GPC6: variants seen among roughly 807,000 people sequenced by gnomAD.
The protein encoded by GPC6 is glypican 6, also known as glypican-6.
Under a neutral mutation model 55.2 loss-of-function variants are expected in GPC6, and 14 were observed. The ratio of observed to expected loss-of-function variants is 0.25; its 90% CI spans 0.17 to 0.40. The LOEUF is 0.40. GPC6 is among the 10% of genes least tolerant of loss of function. The pLI, the probability that GPC6 is intolerant of heterozygous loss-of-function variation, is 1.00. For missense variants in GPC6, 641 were observed against 708.5 expected, an observed-to-expected ratio of 0.90 and a Z score of 1.08; for synonymous variants, 278 against 259.6, an observed-to-expected ratio of 1.07 and a Z score of -0.68.
Position 93,841,766 on chromosome 13 carries a change from T to C in GPC6, c.711+11221T>C, listed in dbSNP as rs528548220. On this transcript the variant is annotated intron_variant, in intron 3 of 8. Transcript: ENST00000377047. Reference sequence around the variant, plus strand: ...ATGCTGCATGTCAGAAATGCCACTGTCATATTTAATACTGAACAGAGAGCA... The same window carrying C: ...ATGCTGCATGTCAGAAATGCCACTGCCATATTTAATACTGAACAGAGAGCA... Among the ~76,000 whole-genome samples the C allele has an allele frequency of 6.6e-5, 10 of 152,348 alleles. No homozygotes were observed. The East Asian group carries it at 1.9e-3, about 29-fold the overall frequency.
chr13:94,337,435 T>C (rs972342139), intron 6 of GPC6, among the ~76,000 whole-genome samples: 10 of 149,994 alleles, frequency 6.7e-5, no homozygotes, highest in African/African-American at 2.5e-4. Flanking sequence ...ATTCATGATA[T>C]ACATTTTTTT....
intron 4 of GPC6, among the ~76,000 whole-genome samples, chr13:94,092,206 A>G (rs1885511779): frequency 6.6e-6 from 1 of 151,856 alleles, no homozygotes; most frequent in Admixed American, 6.6e-5. Flanking sequence ...ATTATTAACT[A>G]TAATCACTGT....
chr13:93,692,061 G>A (rs1882277215), intron 2 of GPC6, among the ~76,000 whole-genome samples: 1 of 151,978 alleles, frequency 6.6e-6, no homozygotes, highest in Admixed American at 6.6e-5. Flanking sequence ...ACTCATAGAG[G>A]TTCAGTAGTA....
intron 1 of GPC6, among the ~76,000 whole-genome samples, chr13:93,361,952 C>T (rs2139178405): frequency 6.6e-6 from 1 of 152,292 alleles, no homozygotes; most frequent in African/African-American, 2.4e-5. Context: ...GGTTGTTGAT[C>T]TTTCACTTGT....
intron 4 of GPC6, among the ~76,000 whole-genome samples, chr13:94,227,572 C>T (rs1366219054): frequency 1.3e-5 from 2 of 152,104 alleles, no homozygotes; most frequent in Non-Finnish European, 2.9e-5. Context: ...CTGTAACAGC[C>T]ATGAGATGCA....
At chr13:93,309,667 T>G (rs1878995954) in intron 1 of GPC6, among the ~76,000 whole-genome samples, 1 of 152,188 alleles carries the variant, frequency 6.6e-6, no homozygotes, top group Non-Finnish European at 1.5e-5. Flanking sequence ...GAAGCTATCA[T>G]TATTTTCATG....
intron 2 of GPC6, among the ~76,000 whole-genome samples, chr13:93,589,770 T>A (rs1566438522): frequency 6.6e-6 from 1 of 152,228 alleles, no homozygotes; most frequent in Non-Finnish European, 1.5e-5. Flanking sequence ...ACTTTAGGAT[T>A]CCTGTTTCTG....
chr13:94,149,703 A>G (rs1477201389), intron 4 of GPC6, among the ~76,000 whole-genome samples: 1 of 152,082 alleles, frequency 6.6e-6, no homozygotes, highest in East Asian at 1.9e-4. Context: ...GCTTAGTCAG[A>G]GGCTAACAAG....
At chr13:94,153,944 C>T (rs1351397439) in intron 4 of GPC6, among the ~76,000 whole-genome samples, 1 of 152,102 alleles carries the variant, frequency 6.6e-6, no homozygotes, top group African/African-American at 2.4e-5. Context: ...TACAAGAAAA[C>T]ACTTTTTATA....
chr13:93,656,696 T>C (rs1030848847), intron 2 of GPC6, among the ~76,000 whole-genome samples: 2 of 152,142 alleles, frequency 1.3e-5, no homozygotes, highest in South Asian at 2.1e-4. Context: ...CCAAATAAGC[T>C]CCTAGTGAGA....
At chr13:93,587,654 G>A (rs760284881) in intron 2 of GPC6, among the ~76,000 whole-genome samples, 2 of 151,978 alleles carry the variant, frequency 1.3e-5, no homozygotes, top group Admixed American at 6.6e-5. Context: ...CAAAAATTCC[G>A]TGGAGTCCTG....
intron 2 of GPC6, among the ~76,000 whole-genome samples, chr13:93,601,692 A>C (rs1419564272): frequency 6.6e-6 from 1 of 152,212 alleles, no homozygotes; most frequent in Non-Finnish European, 1.5e-5. Flanking sequence ...TACCATGGGT[A>C]GCTGGATGCC....
intron 1 of GPC6, among the ~76,000 whole-genome samples, chr13:93,510,252 T>C (rs1025957954): frequency 2.0e-5 from 3 of 152,098 alleles, no homozygotes; most frequent in Admixed American, 1.3e-4. Flanking sequence ...CTATCAAACA[T>C]TGAATTTGTT....
intron 1 of GPC6, among the ~76,000 whole-genome samples, chr13:93,526,556 C>T (rs191238485): frequency 3.1e-3 from 467 of 151,924 alleles, no homozygotes; most frequent in African/African-American, 0.01. Flanking sequence ...TTTTCTCTTC[C>T]CCGAGTACAG....
At chr13:93,250,503 G>A (rs1021689588) in intron 1 of GPC6, among the ~76,000 whole-genome samples, 1 of 152,166 alleles carries the variant, frequency 6.6e-6, no homozygotes, top group Non-Finnish European at 1.5e-5. Flanking sequence ...TCACTGGTTT[G>A]TCACTCAACT....
chr13:94,193,671 T>A (rs1257426844), intron 4 of GPC6, among the ~76,000 whole-genome samples: 1 of 152,172 alleles, frequency 6.6e-6, no homozygotes, highest in Non-Finnish European at 1.5e-5. Flanking sequence ...AAATTGCTGT[T>A]ACCCAGTGGG....
At chr13:93,611,884 T>G (rs1345017480) in intron 2 of GPC6, among the ~76,000 whole-genome samples, 1 of 152,218 alleles carries the variant, frequency 6.6e-6, no homozygotes, top group Non-Finnish European at 1.5e-5. Context: ...AGATCTATTC[T>G]TTATGAGGTT....
At chr13:93,810,089 GCT>G (rs1317917806) in intron 2 of GPC6, among the ~76,000 whole-genome samples, 5 of 152,062 alleles carry the variant, frequency 3.3e-5, no homozygotes, top group African/African-American at 1.2e-4. Context: ...ATTGTCTCAG[GCT>G]GGTGGCCCAC....
intron 1 of GPC6, among the ~76,000 whole-genome samples, chr13:93,284,222 A>T (rs962577243): frequency 1.3e-5 from 2 of 152,214 alleles, no homozygotes; most frequent in East Asian, 3.8e-4. Context: ...TTGGAGTATC[A>T]GAAGAAAATC....
Sources: gnomAD v4.1 joint callset for allele counts (sites outside exome capture counted in the v4.1 genomes callset) on GRCh38, gnomAD v4.1.1 for gene constraint, MANE v1.5 for transcripts, NCBI Gene and HGNC (gene_info 2026-07-23, HGNC 2026-07-21) for gene names.